GGTLC1: variants seen among roughly 807,000 people sequenced by gnomAD.
GGTLC1 encodes the protein glutathione hydrolase light chain 1.
In GGTLC1, 14 loss-of-function variants were observed where a neutral mutation model predicts 19.5. That is an observed-to-expected ratio of 0.72 (90% CI 0.47 to 1.12). GGTLC1 has a LOEUF of 1.12. GGTLC1 is among the 50% of genes most tolerant of loss of function. The pLI is 0.00. For synonymous variants in GGTLC1, 110 were observed against 124.2 expected, an observed-to-expected ratio of 0.89 and a Z score of 0.76; for missense variants, 304 against 309.2, an observed-to-expected ratio of 0.98 and a Z score of 0.13.
rs768626540 is a variant in GGTLC1 at position 23,986,395 on chromosome 20, C to T, written c.176+41G>A. ...AAGTGGGCAGTCCCTGAGCCACCCT[C>T]CCCTGGCCCTTTCCCACCCAGGCGG... is the stretch of plus-strand genomic sequence containing the variant. On this transcript the variant is annotated intron_variant, in intron 2 of 5. Coordinates refer to ENST00000335694, the MANE Select transcript of GGTLC1 (RefSeq NM_178311.3). 3 of 1,607,740 alleles carry T rather than the reference C, an allele frequency of 1.9e-6. No homozygotes were observed. In the East Asian group the frequency reaches 6.7e-5, roughly 36 times the overall value.
chr20:23,985,177 G>C lies in GGTLC1; in HGVS notation c.*39C>G. ...TCTTCCTCGTCCTGGTGAGTATTTTGTTCCTGGATTGCTTGTCAGCCTTGT... is the reference window on the plus strand; with the variant it reads ...TCTTCCTCGTCCTGGTGAGTATTTTCTTCCTGGATTGCTTGTCAGCCTTGT... On this transcript the variant is annotated 3_prime_UTR_variant, in exon 6 of 6. Coordinates refer to ENST00000335694, the MANE Select transcript of GGTLC1 (RefSeq NM_178311.3). 3 of 1,611,944 alleles carry C rather than the reference G, an allele frequency of 1.9e-6. No individual in the cohort carries two copies. Among genetic ancestry groups the C allele is most frequent in the East Asian group, 2.2e-5 (1 of 44,858 alleles).
intron 1 of GGTLC1, among the ~76,000 whole-genome samples, chr20:23,987,370 G>A (rs1987993128): frequency 6.6e-6 from 1 of 152,120 alleles, no homozygotes; most frequent in Admixed American, 6.5e-5. Flanking sequence ...AGTCCAAAGG[G>A]GAGGCTGTGG....
rs1568597893 is a variant in GGTLC1 at position 23,985,903 on chromosome 20, C to T, written c.376G>A (p.Gly126Arg). Reference protein sequence around the residue: ...GQDGQVRMVVGAAGGTQITMA... With the variant: ...GQDGQVRMVVRAAGGTQITMA... Reference sequence around the variant, plus strand: ...GTGATCTGCGTGCCCCCGGCAGCTCCCACCACCATCCGGACCTGGCCGTCC... The same window carrying T: ...GTGATCTGCGTGCCCCCGGCAGCTCTCACCACCATCCGGACCTGGCCGTCC... The change falls in exon 4 of 6, where the codon GGA (glycine) becomes AGA (arginine). Residue 126 changes from glycine (G) to arginine (R), a missense_variant. Transcript: ENST00000335694. The T allele has an allele frequency of 6.2e-7, 1 of 1,611,992 alleles. No homozygotes were observed.
chr20:23,987,163 C>T (rs6114399), intron 1 of GGTLC1, among the ~76,000 whole-genome samples: 115,202 of 151,960 alleles, frequency 0.76, 46,681 homozygotes, highest in Non-Finnish European at 0.9. Flanking sequence ...GGCTGGTGAG[C>T]GATAGGCAGA....
chr20:23,986,861 C>T, intron 1 of GGTLC1: 1 of 1,420,094 alleles, frequency 7.0e-7, no homozygotes, highest in Non-Finnish European at 9.3e-7. Context: ...CCTCCAGACC[C>T]TTGCTGCATT....
chr20:23,987,867 G>T (rs1425592832), intron 1 of GGTLC1, among the ~76,000 whole-genome samples: 1 of 148,554 alleles, frequency 6.7e-6, no homozygotes, highest in African/African-American at 2.5e-5. Flanking sequence ...GGCTAACACA[G>T]TGAAACCCCG....
intron 1 of GGTLC1, among the ~76,000 whole-genome samples, 188 bp downstream of exon 1, chr20:23,988,421 T>A (rs1230558656): frequency 2.0e-5 from 3 of 152,068 alleles, no homozygotes; most frequent in African/African-American, 7.2e-5. Context: ...TGGCGCGATC[T>A]CAGCTCACTG....
intron 5 of GGTLC1, 38 bp downstream of exon 5, chr20:23,985,629 C>T (rs1987832684): frequency 1.2e-6 from 2 of 1,611,146 alleles, no homozygotes; most frequent in Non-Finnish European, 8.5e-7. Context: ...GCCCTGGGGC[C>T]CCACACCGTG....
chr20:23,986,741 C>T, intron 1 of GGTLC1, 96 bp from the exon 2 acceptor site: 1 of 1,473,136 alleles, frequency 6.8e-7, no homozygotes, highest in Non-Finnish European at 9.2e-7. Flanking sequence ...CCACAACCTT[C>T]CGTGGCTCCC....
At chr20:23,985,841 G>A in intron 4 of GGTLC1, 21 bp downstream of exon 4, 1 of 1,612,064 alleles carries the variant, frequency 6.2e-7, no homozygotes, top group South Asian at 1.1e-5. Context: ...CACGGCCAGG[G>A]AGAAAAGGTG....
chr20:23,985,758 A>C lies in GGTLC1; in HGVS notation c.440T>G (p.Phe147Cys), dbSNP rs1261528325. The change falls in exon 5 of 6, where the codon TTC becomes TGC. Residue 147 changes from phenylalanine (F) to cysteine (C), a missense_variant. Phe to Cys is a radical substitution (Grantham distance 205). Transcript: ENST00000335694. ...TALAIIYNLW[F>C]GYDVKWAVEE... ...CACGGCCCACTTCACGTCATAGCCG[A>C]ACCAGAGGTTGTAGATGATGGCCTG... 6.2e-7 allele frequency: 1 copy of C among 1,612,038 alleles called. No homozygotes were observed. The highest frequency in any genetic ancestry group is 1.1e-5 in the South Asian group (1 of 90,990).
At chr20:23,987,246 T>TC (rs1987984730) in intron 1 of GGTLC1, among the ~76,000 whole-genome samples, 2 of 152,124 alleles carry the variant, frequency 1.3e-5, no homozygotes, top group South Asian at 4.2e-4. Flanking sequence ...ACATCCTAGG[T>TC]CCCATAACAA....
chr20:23,986,535 T>C lies in GGTLC1; in HGVS notation c.77A>G (p.Lys26Arg). The C allele has an allele frequency of 6.2e-7, 1 of 1,610,912 alleles. No individual in the cohort carries two copies. The highest frequency in any genetic ancestry group is 1.1e-5 in the South Asian group (1 of 90,888). The change falls in exon 2 of 6, where the codon AAG becomes AGG. Residue 26 changes from lysine (K) to arginine (R), a missense_variant. Lys to Arg is a conservative substitution (Grantham distance 26, BLOSUM62 2). Transcript: ENST00000335694. ...GTCATCCGGCATGTAGAACTCGGGC[T>C]TGTAGTAGGAGATCGGGTGAGTGGT... ...DDTTHPISYY[K>R]PEFYMPDDGG...
At chr20:23,986,846 C>G in intron 1 of GGTLC1, 2 of 1,438,840 alleles carry the variant, frequency 1.4e-6, no homozygotes, top group Non-Finnish European at 1.8e-6. Context: ...CTGCCTGGTC[C>G]TCAGCCTCCA....
rs1336889926 is a variant in GGTLC1, at chr20:23,986,164, C to A, written c.216G>T (p.Leu72=). 1 of 1,613,576 alleles carries A rather than the reference C, an allele frequency of 6.2e-7. No individual in the cohort carries two copies. The highest frequency in any genetic ancestry group is 1.7e-5 in the Admixed American group (1 of 60,012). ...TGAAGTCATCCATTTCATTATTGAGCAGGATCCCGCTGACTGGGGAGCGCA... is the reference window on the plus strand; with the variant it reads ...TGAAGTCATCCATTTCATTATTGAGAAGGATCCCGCTGACTGGGGAGCGCA... ...SKVRSPVSGI[L]LNNEMDDFSS... Residue 72 remains leucine, a synonymous_variant, in exon 3 of 6, where the codon CTG becomes CTT. Transcript: ENST00000335694.
intron 1 of GGTLC1, among the ~76,000 whole-genome samples, chr20:23,987,079 A>G (rs896758871): frequency 2.0e-5 from 3 of 152,178 alleles, no homozygotes; most frequent in Non-Finnish European, 4.4e-5. Flanking sequence ...AGCTTCTCAG[A>G]GGAGGCAATG....
chr20:23,986,563 C>T lies in GGTLC1; in HGVS notation c.49G>A (p.Asp17Asn), dbSNP rs774521787. 22 of 1,611,326 alleles carry T rather than the reference C, an allele frequency of 1.4e-5. No homozygotes were observed. The highest frequency in any genetic ancestry group is 2.7e-5 in the African/African-American group (2 of 74,660). ...SAQLRAQISD[D>N]TTHPISYYKP... ...TAGTAGGAGATCGGGTGAGTGGTGTCGTCAGAGATCTGGGCCCGGAGCTGG... is the reference window on the plus strand; with the variant it reads ...TAGTAGGAGATCGGGTGAGTGGTGTTGTCAGAGATCTGGGCCCGGAGCTGG... Residue 17 changes from aspartate (D) to asparagine (N), a missense_variant, in exon 2 of 6, where the codon GAC (aspartate) becomes AAC (asparagine). Asp to Asn is a conservative substitution (Grantham distance 23, BLOSUM62 1). Coordinates refer to ENST00000335694, the MANE Select transcript of GGTLC1 (RefSeq NM_178311.3).
At chr20:23,985,832 A>G in intron 4 of GGTLC1, 30 bp downstream of exon 4, 3 of 1,612,004 alleles carry the variant, frequency 1.9e-6, no homozygotes, top group East Asian at 4.5e-5. Context: ...CAGGGTGGGC[A>G]CGGCCAGGGA....
At position 23,985,345 on chromosome 20, in the gene GGTLC1, C is replaced by T. The variant is rs1987811453; in HGVS notation, c.549G>A (p.Leu183=). 1 of 1,611,862 alleles carries T rather than the reference C, an allele frequency of 6.2e-7. No individual in the cohort carries two copies. Residue 183 remains leucine, a synonymous_variant, in exon 6 of 6, where the codon CTG becomes CTA. Transcript: ENST00000335694. The stretch of plus-strand genomic sequence containing the variant: ...TCTGGGTGTGATGGTGCCGGGTCTC[C>T]AGGGCTGCAGTCACTTCCTGGGGGT... The part of the protein sequence containing the change: ...RNIDQEVTAA[L]ETRHHHTQIT...
Sources: gnomAD v4.1 joint callset for allele counts (sites outside exome capture counted in the v4.1 genomes callset) on GRCh38, gnomAD v4.1.1 for gene constraint, MANE v1.5 for transcripts, NCBI Gene and HGNC (gene_info 2026-07-23, HGNC 2026-07-21) for gene names.